DGKB: variants seen among roughly 807,000 people sequenced by gnomAD.
The protein encoded by DGKB is diacylglycerol kinase beta, also known as 90 kDa diacylglycerol kinase.
Under a neutral mutation model 114.3 loss-of-function variants are expected in DGKB, and 67 were observed. The ratio of observed to expected loss-of-function variants is 0.59; its 90% CI spans 0.48 to 0.72. The LOEUF is 0.72. Ranked by LOEUF, DGKB falls within the 30% of genes least tolerant of loss-of-function variation. The pLI is 0.00. For synonymous variants in DGKB, 398 were observed against 323.1 expected (o/e 1.23, Z -2.49); for missense variants, 907 against 975.2 (o/e 0.93, Z 0.93).
chr7:14,510,055 A>G (rs1237466106), intron 20 of DGKB, among the ~76,000 whole-genome samples: 1 of 152,098 alleles, frequency 6.6e-6, no homozygotes, highest in East Asian at 1.9e-4. Context: ...GGGCGCCTGT[A>G]GTCCCAGCTA....
chr7:14,748,800 T>C (rs1442369821), intron 4 of DGKB, among the ~76,000 whole-genome samples: 10 of 152,212 alleles, frequency 6.6e-5, no homozygotes, highest in African/African-American at 2.4e-4. Flanking sequence ...TATGTTTTTC[T>C]AACTAGCTCA....
chr7:14,557,643 C>A (rs554059723), intron 20 of DGKB, among the ~76,000 whole-genome samples: 1 of 151,924 alleles, frequency 6.6e-6, no homozygotes, highest in South Asian at 2.1e-4. Flanking sequence ...TGCCCATATG[C>A]ATATTGGCTT....
rs149331319 is a variant in DGKB at position 14,249,632 on chromosome 7, G to A, written c.2123-71481C>T. Among the ~76,000 whole-genome samples the A allele has an allele frequency of 1.4e-3, 211 of 152,090 alleles. 1 individual carries two copies. The highest frequency in any genetic ancestry group is 4.9e-3 in the African/African-American group (205 of 41,516). ...TTATCTAATTTGTCAACATATAATTGTTCATTATAGCCTCTTATGATCCTT... is the reference window on the plus strand; with the variant it reads ...TTATCTAATTTGTCAACATATAATTATTCATTATAGCCTCTTATGATCCTT... On this transcript the variant is annotated intron_variant, in intron 23 of 25. Coordinates refer to ENST00000402815, the MANE Select transcript of DGKB (RefSeq NM_001350709.2).
chr7:14,479,969 T>C lies in DGKB; in HGVS notation c.1771-1744A>G, dbSNP rs551577816. ...ATTGCTTCCCATAGGGAGAGTATCA[T>C]TGAATTTACTTCTGCTTGAATTGTT... On this transcript the variant is annotated intron_variant, in intron 20 of 25. Transcript: ENST00000402815. 5.9e-5 allele frequency among the ~76,000 whole-genome samples: 9 copies of C among 152,142 alleles called. 1 individual carries two copies. In the East Asian group the frequency reaches 1.2e-3, roughly 20 times the overall value.
intron 20 of DGKB, among the ~76,000 whole-genome samples, chr7:14,514,922 C>T (rs1350591114): frequency 1.3e-5 from 2 of 151,954 alleles, no homozygotes; most frequent in East Asian, 3.9e-4. Flanking sequence ...TGGTAGTCCG[C>T]AGTCCTAGTT....
chr7:14,176,781 A>G (rs755182328), intron 25 of DGKB, 58 bp downstream of exon 25: 9 of 1,568,748 alleles, frequency 5.7e-6, no homozygotes, highest in South Asian at 1.2e-5. Context: ...GTGGTTATTT[A>G]GTCAAAGAGG....
intron 21 of DGKB, among the ~76,000 whole-genome samples, chr7:14,418,203 T>G (rs1300219716): frequency 6.8e-5 from 6 of 87,904 alleles, no homozygotes; most frequent in African/African-American, 2.1e-4. Context: ...AATTTTATAT[T>G]TATAAATGTA....
chr7:14,778,882 A>C (rs1478060318), intron 2 of DGKB, among the ~76,000 whole-genome samples: 1 of 152,200 alleles, frequency 6.6e-6, no homozygotes, highest in Non-Finnish European at 1.5e-5. Context: ...TGTGCCAGGC[A>C]CAGTGGCTCA....
chr7:14,388,458 C>CT (rs1211319456), intron 21 of DGKB, among the ~76,000 whole-genome samples: 4 of 147,592 alleles, frequency 2.7e-5, no homozygotes, highest in Admixed American at 1.4e-4. Context: ...ATATATATAT[C>CT]TAAGTAAAAA....
intron 1 of DGKB, among the ~76,000 whole-genome samples, chr7:14,902,132 C>T (rs1783185547): frequency 6.6e-6 from 1 of 152,058 alleles, no homozygotes; most frequent in African/African-American, 2.4e-5. Flanking sequence ...TAAGGTAAAT[C>T]GAAGACTTTT....
chr7:14,746,957 A>T lies in DGKB; in HGVS notation c.168+6971T>A, dbSNP rs527661847. 6.6e-5 allele frequency among the ~76,000 whole-genome samples: 10 copies of T among 152,244 alleles called. No homozygotes were observed. The South Asian group carries it at 2.1e-3, about 32-fold the overall frequency. On this transcript the variant is annotated intron_variant, in intron 4 of 25. Transcript: ENST00000402815. ...TTATAAGGCAATAATTCTAAAAAAA[A>T]AATCTTCCTTTGAAAAATAAAAGCC...
chr7:14,701,642 C>A lies in DGKB; in HGVS notation c.516+39G>T, dbSNP rs776659568. ...TTCATTGCATTCTTCAGAAGAAAATCTTTGAAGTTTTCACAGAAACTTTGA... is the reference window on the plus strand; with the variant it reads ...TTCATTGCATTCTTCAGAAGAAAATATTTGAAGTTTTCACAGAAACTTTGA... On this transcript the variant is annotated intron_variant, in intron 7 of 25. Transcript: ENST00000402815. The A allele has an allele frequency of 1.4e-5, 20 of 1,458,390 alleles. No individual in the cohort carries two copies. The East Asian group carries it at 4.3e-4, about 31-fold the overall frequency. The allele number at this position is 1,458,390 out of a possible 1,614,324, so 90.3% of individuals were successfully genotyped here. A position where few individuals can be genotyped will look rare whatever the true frequency, so the allele number is the denominator to read the frequency against.
chr7:14,678,249 G>A (rs1382120373), intron 12 of DGKB, among the ~76,000 whole-genome samples: 1 of 152,060 alleles, frequency 6.6e-6, no homozygotes, highest in Non-Finnish European at 1.5e-5. Flanking sequence ...GCGGGCCACA[G>A]TTAACAGTGC....
chr7:14,882,584 C>G (rs1469384830), intron 1 of DGKB, among the ~76,000 whole-genome samples: 1 of 151,954 alleles, frequency 6.6e-6, no homozygotes, highest in African/African-American at 2.4e-5. Context: ...CATCCTTCAT[C>G]CTCTTCCCAT....
intron 16 of DGKB, among the ~76,000 whole-genome samples, chr7:14,610,839 G>C (rs1226251784): frequency 2.0e-5 from 3 of 152,030 alleles, no homozygotes; most frequent in Admixed American, 6.6e-5. Context: ...AGGTCTTCAA[G>C]TTCTTTCACC....
At chr7:14,704,446 T>A (rs1221067073) in intron 6 of DGKB, among the ~76,000 whole-genome samples, 7 of 78,318 alleles carry the variant, frequency 8.9e-5, no homozygotes, top group South Asian at 4.5e-4. Flanking sequence ...AGACTCCATC[T>A]CAAAAAAAAA....
intron 1 of DGKB, among the ~76,000 whole-genome samples, chr7:14,871,682 C>A (rs952158177): frequency 6.6e-6 from 1 of 152,130 alleles, no homozygotes; most frequent in South Asian, 2.1e-4. Flanking sequence ...ATATTAGGAA[C>A]ACGCAGCTCA....
chr7:14,259,282 A>C (rs1796382684), intron 23 of DGKB, among the ~76,000 whole-genome samples: 1 of 151,926 alleles, frequency 6.6e-6, no homozygotes, highest in Non-Finnish European at 1.5e-5. Context: ...AATTATGTAA[A>C]AATGCAATAC....
At chr7:14,478,975 C>T (rs543115507) in intron 20 of DGKB, among the ~76,000 whole-genome samples, 1 of 152,130 alleles carries the variant, frequency 6.6e-6, no homozygotes, top group South Asian at 2.1e-4. Flanking sequence ...TGTGAGACTG[C>T]TGAAATACTG....
Sources: allele counts gnomAD v4.1 joint callset (sites outside exome capture counted in the v4.1 genomes callset), GRCh38; gene constraint gnomAD v4.1.1; transcripts MANE v1.5; gene names NCBI Gene and HGNC (gene_info 2026-07-23, HGNC 2026-07-21).